Variants in PI4KB observed in about 807,000 individuals in gnomAD.
PI4KB encodes phosphatidylinositol 4-kinase beta.
Under a neutral mutation model 81.4 loss-of-function variants are expected in PI4KB, and 23 were observed. The ratio of observed to expected loss-of-function variants is 0.28; its 90% CI spans 0.20 to 0.40. The LOEUF (loss-of-function observed/expected upper bound fraction) is 0.40. Ranked by LOEUF, PI4KB falls within the 10% of genes least tolerant of loss-of-function variation. The pLI is 1.00. For synonymous variants in PI4KB, 381 were observed against 406.8 expected (o/e 0.94, Z 0.76); for missense variants, 651 against 1,036.6 (o/e 0.63, Z 5.11).
chr1:151,311,601 T>C (rs1321035990), intron 2 of PI4KB, among the ~76,000 whole-genome samples: 2 of 152,338 alleles, frequency 1.3e-5, no homozygotes, highest in South Asian at 4.1e-4. Context: ...TATTTCTACC[T>C]ATGAGCTGGT....
chr1:151,309,949 G>T (rs1042320535), intron 3 of PI4KB, among the ~76,000 whole-genome samples: 1 of 152,138 alleles, frequency 6.6e-6, no homozygotes, highest in Non-Finnish European at 1.5e-5. Context: ...CAGGAGCTGG[G>T]GGCTGAGCAG....
intron 2 of PI4KB, among the ~76,000 whole-genome samples, chr1:151,311,230 GCAGCACGTGTGCA>G (rs1696193165): frequency 6.6e-6 from 1 of 152,140 alleles, no homozygotes; most frequent in South Asian, 2.1e-4. Flanking sequence ...AGGGAACAGA[GCAGCACGTGTGCA>G]CAAATCTAGG....
At chr1:151,304,388 C>T (rs1391532293) in intron 5 of PI4KB, among the ~76,000 whole-genome samples, 2 of 147,894 alleles carry the variant, frequency 1.4e-5, no homozygotes, top group Non-Finnish European at 3.0e-5. Context: ...TTGTTGCCCA[C>T]GCTGGAGTGC....
chr1:151,320,196 G>A (rs1648644003), intron 1 of PI4KB, among the ~76,000 whole-genome samples: 1 of 152,122 alleles, frequency 6.6e-6, no homozygotes, highest in Non-Finnish European at 1.5e-5. Flanking sequence ...ACCACGCCCG[G>A]CTAATTTTTT....
rs924354107 is a variant in PI4KB, at chr1:151,291,912, C to T, written c.*940G>A. ...GTTTGTGGTCGAATCTCCATTCAGG[C>T]CTCTCTTTTTCTGTGACTTGGACAA... On this transcript the variant is annotated 3_prime_UTR_variant, in exon 12 of 12. Transcript: ENST00000368873. 6.6e-6 allele frequency: 1 copy of T among 152,294 alleles called. No homozygotes were observed. Among genetic ancestry groups the T allele is most frequent in the African/African-American group, 2.4e-5 (1 of 41,396 alleles). 9.4% of individuals were successfully genotyped at this position (152,294 alleles called of 1,614,324 possible).
Position 151,298,632 on chromosome 1 carries a change from T to TA in PI4KB, c.2015+175dup, listed in dbSNP as rs1249876048. ...TTCTTTGCCCTTTTACCCTAGTTCT[T>TA]ATTAGTCTGCCTCCTGACTTAATGT... On this transcript the variant is annotated intron_variant, in intron 9 of 11. Transcript: ENST00000368873. 5.5e-6 allele frequency: 4 copies of TA among 731,556 alleles called. No homozygotes were observed. The East Asian group carries it at 9.9e-5, about 18-fold the overall frequency. The allele number at this position is 731,556 out of a possible 1,614,324, so 45.3% of individuals were successfully genotyped here. A position where few individuals can be genotyped will look rare whatever the true frequency, so the allele number is the denominator to read the frequency against.
chr1:151,304,625 G>A (rs1695593295), intron 5 of PI4KB, among the ~76,000 whole-genome samples: 2 of 151,088 alleles, frequency 1.3e-5, no homozygotes, highest in Admixed American at 6.6e-5. Context: ...GATTGCAGGC[G>A]TGAGCCACCG....
At chr1:151,325,650 G>A (rs954999395) in intron 1 of PI4KB, among the ~76,000 whole-genome samples, 7 of 152,172 alleles carry the variant, frequency 4.6e-5, no homozygotes, top group Admixed American at 2.0e-4. Context: ...GAAGGAAGCA[G>A]GCCTGGAGCT....
At chr1:151,326,095 G>A in intron 1 of PI4KB, 1 of 1,292,942 alleles carries the variant, frequency 7.7e-7, no homozygotes, top group Non-Finnish European at 1.1e-6. Context: ...GATCTGGACA[G>A]GGGTGAGAAG....
intron 2 of PI4KB, among the ~76,000 whole-genome samples, chr1:151,313,933 T>A (rs1328343649): frequency 4.6e-5 from 7 of 152,236 alleles, no homozygotes; most frequent in African/African-American, 1.7e-4. Flanking sequence ...GGGCAAAACA[T>A]CTAATCTTTC....
intron 1 of PI4KB, among the ~76,000 whole-genome samples, chr1:151,323,296 G>C (rs554429786): frequency 6.6e-6 from 1 of 152,326 alleles, no homozygotes; most frequent in Non-Finnish European, 1.5e-5. Context: ...CCTGAGGTCA[G>C]CACTTTGTGA....
At chr1:151,318,835 C>A (rs1648415409) in intron 1 of PI4KB, among the ~76,000 whole-genome samples, 1 of 151,994 alleles carries the variant, frequency 6.6e-6, no homozygotes, top group Non-Finnish European at 1.5e-5. Flanking sequence ...CAGTAAATAC[C>A]ATGCCAGGCT....
At chr1:151,295,630 A>C (rs909738138) in intron 9 of PI4KB, among the ~76,000 whole-genome samples, 24 of 152,256 alleles carry the variant, frequency 1.6e-4, no homozygotes, top group African/African-American at 5.5e-4. Flanking sequence ...ACCTGACTCC[A>C]GTATGGGGCC....
At chr1:151,296,604 G>A (rs1232598199) in intron 9 of PI4KB, among the ~76,000 whole-genome samples, 3 of 151,576 alleles carry the variant, frequency 2.0e-5, no homozygotes, top group East Asian at 3.9e-4. Flanking sequence ...CCAAGTAGCT[G>A]GGAATACAGG....
At chr1:151,302,346 C>T (rs1189031865) in intron 6 of PI4KB, 48 bp from the exon 7 acceptor site, 1 of 1,310,898 alleles carries the variant, frequency 7.6e-7, no homozygotes. Flanking sequence ...TACCCCCAAG[C>T]CCCATGCCCA....
intron 2 of PI4KB, among the ~76,000 whole-genome samples, chr1:151,311,818 A>C (rs1696253453): frequency 6.6e-6 from 1 of 152,222 alleles, no homozygotes. Context: ...ACATCACACC[A>C]TATCAAGCTA....
chr1:151,298,767 A>G, intron 9 of PI4KB, 41 bp downstream of exon 9: 1 of 1,595,878 alleles, frequency 6.3e-7, no homozygotes, highest in East Asian at 2.2e-5. Flanking sequence ...GACAGAGAGA[A>G]CCCTGGAGAA....
At chr1:151,302,434 T>A (rs1319413012) in intron 6 of PI4KB, 136 bp from the exon 7 acceptor site, 1 of 638,930 alleles carries the variant, frequency 1.6e-6, no homozygotes, top group African/African-American at 1.8e-5. Flanking sequence ...AAGGGACTCA[T>A]GGAAGAAAAC....
At chr1:151,300,244 C>G (rs1695148332) in intron 8 of PI4KB, among the ~76,000 whole-genome samples, 1 of 152,218 alleles carries the variant, frequency 6.6e-6, no homozygotes. Flanking sequence ...ACACTTAACA[C>G]TAGGAAAAGG....
Sources: gnomAD v4.1 joint callset for allele counts (sites outside exome capture counted in the v4.1 genomes callset) on GRCh38, gnomAD v4.1.1 for gene constraint, MANE v1.5 for transcripts, NCBI Gene and HGNC (gene_info 2026-07-23, HGNC 2026-07-21) for gene names.